Variants in ADAMTS2 observed in about 807,000 individuals in gnomAD.
The protein encoded by ADAMTS2 is A disintegrin and metalloproteinase with thrombospondin motifs 2.
Under a neutral mutation model 123.0 loss-of-function variants are expected in ADAMTS2, and 50 were observed. The observed-to-expected ratio is 0.41, with a 90% confidence interval of 0.32 to 0.51. ADAMTS2 has a LOEUF of 0.51. Among genes scored for constraint, ADAMTS2 ranks in the 20% least tolerant of loss-of-function variants. The pLI is 0.35. For missense variants in ADAMTS2, 1,494 were observed against 1,705.2 expected (o/e 0.88, Z 2.18); for synonymous variants, 678 against 695.4 (o/e 0.98, Z 0.39).
chr5:179,239,478 G>A (rs1322780781), intron 3 of ADAMTS2, among the ~76,000 whole-genome samples: 3 of 152,116 alleles, frequency 2.0e-5, no homozygotes, highest in Non-Finnish European at 4.4e-5. Context: ...CTTCCAAATT[G>A]AGGTTGGCAA....
At chr5:179,221,132 C>A (rs897432920) in intron 3 of ADAMTS2, among the ~76,000 whole-genome samples, 2 of 152,258 alleles carry the variant, frequency 1.3e-5, no homozygotes, top group African/African-American at 4.8e-5. Context: ...CACCAAGCTG[C>A]CTTCCTAGGA....
At chr5:179,338,053 C>T (rs1241452379) in intron 2 of ADAMTS2, among the ~76,000 whole-genome samples, 2 of 152,236 alleles carry the variant, frequency 1.3e-5, no homozygotes, top group Non-Finnish European at 2.9e-5. Context: ...GCAGGAGAAG[C>T]CTGCCACACC....
At chr5:179,172,001 G>C (rs1456008467) in intron 5 of ADAMTS2, among the ~76,000 whole-genome samples, 10 of 152,152 alleles carry the variant, frequency 6.6e-5, no homozygotes, top group Non-Finnish European at 1.3e-4. Flanking sequence ...TCGGGGCCGG[G>C]GGTAAGCTGG....
intron 3 of ADAMTS2, among the ~76,000 whole-genome samples, chr5:179,238,702 T>A (rs1338190167): frequency 1.3e-5 from 2 of 151,806 alleles, no homozygotes; most frequent in Non-Finnish European, 2.9e-5. Context: ...AGAAGGAAAA[T>A]GGAGGCCACG....
intron 21 of ADAMTS2, among the ~76,000 whole-genome samples, chr5:179,119,932 G>A (rs1258962229): frequency 1.3e-5 from 2 of 152,104 alleles, no homozygotes; most frequent in African/African-American, 2.4e-5. Context: ...TTCAAAACCC[G>A]GAGTCACGGT....
At position 179,307,428 on chromosome 5, in the gene ADAMTS2, G is replaced by A. The variant is rs994144525; in HGVS notation, c.535-34364C>T. On this transcript the variant is annotated intron_variant, in intron 2 of 21. Coordinates refer to ENST00000251582, the MANE Select transcript of ADAMTS2 (RefSeq NM_014244.5). The surrounding 1 kb of genome is among the most constrained non-coding windows in gnomAD (Gnocchi z 5.6). ...CCATGAGCATTCAACAGCCCGGTCC[G>A]GGGGGCACCACCACGCAGGGGCTTC... is the stretch of plus-strand genomic sequence containing the variant. 5.3e-5 allele frequency among the ~76,000 whole-genome samples: 8 copies of A among 152,056 alleles called. No individual in the cohort carries two copies. Among genetic ancestry groups the A allele is most frequent in the Non-Finnish European group, 7.4e-5 (5 of 67,996 alleles).
At chr5:179,218,103 G>A (rs1049533703) in intron 3 of ADAMTS2, among the ~76,000 whole-genome samples, 3 of 152,214 alleles carry the variant, frequency 2.0e-5, no homozygotes, top group African/African-American at 7.2e-5. Context: ...GGAGGCTCAG[G>A]GAATTAGACT....
intron 4 of ADAMTS2, among the ~76,000 whole-genome samples, chr5:179,186,608 T>A (rs1378167561): frequency 6.6e-6 from 1 of 152,092 alleles, no homozygotes; most frequent in East Asian, 1.9e-4. Context: ...CCACTGGGAG[T>A]AATCAGTGTA....
intron 21 of ADAMTS2, among the ~76,000 whole-genome samples, chr5:179,116,167 A>G (rs556393333): frequency 6.6e-6 from 1 of 151,878 alleles, no homozygotes; most frequent in South Asian, 2.1e-4. Flanking sequence ...TGGCTGCACT[A>G]TGGGAGGGGT....
chr5:179,305,168 G>A (rs1756636827), intron 2 of ADAMTS2, among the ~76,000 whole-genome samples: 1 of 152,020 alleles, frequency 6.6e-6, no homozygotes, highest in Non-Finnish European at 1.5e-5. Context: ...TATAGAATGT[G>A]TGGCCAGCAG....
chr5:179,315,183 C>A (rs1756953804), intron 2 of ADAMTS2, among the ~76,000 whole-genome samples: 1 of 85,468 alleles, frequency 1.2e-5, no homozygotes, highest in South Asian at 3.3e-4. Context: ...TGCCCCACCC[C>A]AGAGGGCTCC....
chr5:179,222,097 A>G (rs1348828649), intron 3 of ADAMTS2, among the ~76,000 whole-genome samples: 2 of 151,942 alleles, frequency 1.3e-5, no homozygotes, highest in African/African-American at 4.8e-5. Flanking sequence ...GGTTCCTCCC[A>G]TTTGTCTTCC....
intron 4 of ADAMTS2, among the ~76,000 whole-genome samples, chr5:179,199,992 AG>A (rs1484968464): frequency 6.6e-6 from 1 of 152,200 alleles, no homozygotes; most frequent in Non-Finnish European, 1.5e-5. Context: ...ACAGAGACTA[AG>A]GAAGAAAGGA....
rs911155709 is a variant in ADAMTS2 at position 179,192,654 on chromosome 5, C to T, written c.892-11499G>A. Among the ~76,000 whole-genome samples the T allele has an allele frequency of 3.9e-5, 6 of 152,212 alleles. No individual in the cohort carries two copies. The East Asian group carries it at 5.8e-4, about 15-fold the overall frequency. On this transcript the variant is annotated intron_variant, in intron 4 of 21. Coordinates refer to ENST00000251582, the MANE Select transcript of ADAMTS2 (RefSeq NM_014244.5). ...CCCAGGCCAGGCTCCCTGCCAGGCGCGGGTGGGAGGTCTTGCAGGCTGCAG... is the reference window on the plus strand; with the variant it reads ...CCCAGGCCAGGCTCCCTGCCAGGCGTGGGTGGGAGGTCTTGCAGGCTGCAG...
intron 3 of ADAMTS2, among the ~76,000 whole-genome samples, chr5:179,227,658 C>T (rs1047769845): frequency 5.9e-5 from 9 of 152,154 alleles, no homozygotes; most frequent in Admixed American, 3.9e-4. Context: ...GGGAACCTGA[C>T]GCTCATGGGG....
At chr5:179,311,420 A>G (rs1298110345) in intron 2 of ADAMTS2, among the ~76,000 whole-genome samples, 1 of 152,226 alleles carries the variant, frequency 6.6e-6, no homozygotes, top group African/African-American at 2.4e-5. Context: ...TCACAGGGAC[A>G]TCCACCTGCC....
At chr5:179,223,392 T>A (rs1311569616) in intron 3 of ADAMTS2, among the ~76,000 whole-genome samples, 2 of 146,600 alleles carry the variant, frequency 1.4e-5, no homozygotes, top group East Asian at 2.0e-4. Context: ...ACGAATGCAC[T>A]CACACACACG....
chr5:179,345,322 G>T lies in ADAMTS2; in HGVS notation c.7C>A (p.Pro3Thr). 2.6e-6 allele frequency: 3 copies of T among 1,135,314 alleles called. No homozygotes were observed. The highest frequency in any genetic ancestry group is 3.2e-6 in the Non-Finnish European group (3 of 926,578). The allele number at this position is 1,135,314 out of a possible 1,614,324, so 70.3% of individuals were successfully genotyped here. The part of the protein sequence containing the change: MD[P>T]PAGAARRLLC... ...AGGCGGCGAGCGGCTCCCGCCGGCG[G>T]ATCCATGGCAGCCGGACTGCAGCCG... Residue 3 changes from proline to threonine, a missense_variant, in exon 1 of 22, where the codon CCG becomes ACG. By Grantham distance (38) the Pro-to-Thr change is conservative. Transcript: ENST00000251582. The surrounding 1 kb of genome is among the most constrained non-coding windows in gnomAD (Gnocchi z 7.5).
chr5:179,295,339 G>A (rs1369045303), intron 2 of ADAMTS2, among the ~76,000 whole-genome samples: 2 of 152,284 alleles, frequency 1.3e-5, no homozygotes, highest in East Asian at 1.9e-4. Flanking sequence ...TGGGTGAAGG[G>A]GGGCACCGAC....
Sources: allele counts gnomAD v4.1 joint callset (sites outside exome capture counted in the v4.1 genomes callset), GRCh38; gene constraint gnomAD v4.1.1; non-coding constraint Gnocchi (gnomAD v3.1); transcripts MANE v1.5; gene names NCBI Gene and HGNC (gene_info 2026-07-23, HGNC 2026-07-21).